The following PIK3R2 variants were observed in gnomAD, a reference collection of about 807,000 sequenced individuals.
PIK3R2 encodes phosphoinositide-3-kinase regulatory subunit 2.
A neutral mutation model predicts 78.5 loss-of-function variants in PIK3R2; 40 were observed. That is an observed-to-expected ratio of 0.51 (90% confidence interval 0.40 to 0.66). The LOEUF is 0.66. PIK3R2 is among the 30% of genes least tolerant of loss of function. The pLI is 0.00. For missense variants in PIK3R2, 880 were observed against 1,026.6 expected (o/e 0.86, Z 1.95); for synonymous variants, 473 against 457.7 (o/e 1.03, Z -0.43).
rs1462130919 is a variant in PIK3R2 at position 18,167,377 on chromosome 19, G to A, written c.1736+71G>A. 1 of 1,317,210 alleles carries A rather than the reference G, an allele frequency of 7.6e-7. No homozygotes were observed. The allele number at this position is 1,317,210 out of a possible 1,614,324, so 81.6% of individuals were successfully genotyped here. On this transcript the variant is annotated intron_variant, in intron 13 of 15. Coordinates refer to ENST00000222254, the MANE Select transcript of PIK3R2 (RefSeq NM_005027.4). This position sits in a 1 kb window ranked among gnomAD's most constrained non-coding sequence, Gnocchi z 4.5. ...GCGGCACATGGAGATCTCTCTAGGA[G>A]TCTCAGTCTCTCTCTCTCCACCAAG... is the stretch of plus-strand genomic sequence containing the variant.
chr19:18,166,107 C>T (rs761354901), intron 11 of PIK3R2, 53 bp from the exon 12 acceptor site: 25 of 1,611,234 alleles, frequency 1.6e-5, no homozygotes, highest in South Asian at 5.5e-5. Context: ...TTACCCCTCA[C>T]GAGGGCCTTT....
rs1016613137 is a variant in PIK3R2 at position 18,169,530 on chromosome 19, G to T, written c.*236G>T. 1.8e-5 allele frequency: 6 copies of T among 331,602 alleles called. No individual in the cohort carries two copies. The highest frequency in any genetic ancestry group is 3.3e-5 in the Non-Finnish European group (6 of 181,538). The allele number at this position is 331,602 out of a possible 1,614,324, so 20.5% of individuals were successfully genotyped here. On this transcript the variant is annotated 3_prime_UTR_variant, in exon 16 of 16. Transcript: ENST00000222254. ...GCCCCTGTCTCTCTCCATGTTGGGG[G>T]TCCTAACTCCCCCACCCCATATCTA...
At chr19:18,159,905 CTAATTTTTCTGATTT>C (rs113711946) in intron 2 of PIK3R2, among the ~76,000 whole-genome samples, 10,324 of 152,220 alleles carry the variant, frequency 0.068, 912 homozygotes, top group African/African-American at 0.21. Flanking sequence ...CCACGCCCAG[CTAATTTTTCTGATTT>C]TAGTAGAGAC....
Position 18,162,059 on chromosome 19 carries a change from C to A in PIK3R2, c.901+8C>A, listed in dbSNP as rs753425500. On this transcript the variant is annotated splice_region_variant and intron_variant, in intron 7 of 15. Coordinates refer to ENST00000222254, the MANE Select transcript of PIK3R2 (RefSeq NM_005027.4). ...AGGAGGTTGCGCCCCCAGGTGAGTC[C>A]CCTGTATTGCTGTCATTTCTTCCCG... is the stretch of plus-strand genomic sequence containing the variant. 1 of 1,611,336 alleles carries A rather than the reference C, an allele frequency of 6.2e-7. No homozygotes were observed. Among genetic ancestry groups the A allele is most frequent in the Non-Finnish European group, 8.5e-7 (1 of 1,177,712 alleles).
rs115949644 is a variant in PIK3R2, at chr19:18,163,474, T to C, written c.1416+86T>C. ...AGCAGGATGACCAACCCCAGAGGAC[T>C]TGAGGATGAATATCCAGTTGCAGGT... On this transcript the variant is annotated intron_variant, in intron 11 of 15. Coordinates refer to ENST00000222254, the MANE Select transcript of PIK3R2 (RefSeq NM_005027.4). 1.2e-3 allele frequency: 1,698 copies of C among 1,449,104 alleles called. 19 individuals are homozygous for C. In the African/African-American group the frequency reaches 0.02, roughly 17 times the overall value. 89.8% of individuals were successfully genotyped at this position (1,449,104 alleles called of 1,614,324 possible).
rs534405273 is a variant in PIK3R2 at position 18,156,151 on chromosome 19, G to A, written c.272G>A (p.Arg91Gln). The change falls in exon 2 of 16, where the codon CGG becomes CAG. Residue 91 changes from arginine to glutamine, a missense_variant. Physicochemically the swap from Arg to Gln is conservative, Grantham distance 43. Around this residue, in one of 3 missense-constraint regions of PIK3R2, gnomAD observed 456 missense variants for 486.6 expected, o/e 0.94. Coordinates refer to ENST00000222254, the MANE Select transcript of PIK3R2 (RefSeq NM_005027.4). This position sits in a 1 kb window ranked among gnomAD's most constrained non-coding sequence, Gnocchi z 4.2. ...CTGGCCCGGCCCGGCCCTCGCCCAC[G>A]GGGCCCCCGCCCACTGCCCGCCAGG... is the stretch of plus-strand genomic sequence containing the variant. ...VALARPGPRP[R>Q]GPRPLPARPR... 6.8e-6 allele frequency: 10 copies of A among 1,466,612 alleles called. No homozygotes were observed. The highest frequency in any genetic ancestry group is 5.5e-5 in the Admixed American group (2 of 36,622). 90.8% of individuals were successfully genotyped at this position (1,466,612 alleles called of 1,614,324 possible).
intron 11 of PIK3R2, among the ~76,000 whole-genome samples, chr19:18,165,948 T>G (rs1331429520): frequency 6.6e-6 from 1 of 151,654 alleles, no homozygotes; most frequent in East Asian, 1.9e-4. Context: ...TGTGGATACC[T>G]ATAGGAGGAT....
At position 18,168,636 on chromosome 19, in the gene PIK3R2, A is replaced by T. The variant is rs937474359; in HGVS notation, c.1808+90A>T. ...TTCGAAGAATGAGTAGGAGTTCACCAGGGAGGAAAAGTTGTCCAGGCAGCT... is the reference window on the plus strand; with the variant it reads ...TTCGAAGAATGAGTAGGAGTTCACCTGGGAGGAAAAGTTGTCCAGGCAGCT... On this transcript the variant is annotated intron_variant, in intron 14 of 15. Coordinates refer to ENST00000222254, the MANE Select transcript of PIK3R2 (RefSeq NM_005027.4). The surrounding 1 kb of genome is among the most constrained non-coding windows in gnomAD (Gnocchi z 4.1). 8.9e-6 allele frequency: 10 copies of T among 1,122,820 alleles called. No individual in the cohort carries two copies. In the African/African-American group the frequency reaches 1.5e-4, roughly 17 times the overall value. 69.6% of individuals were successfully genotyped at this position (1,122,820 alleles called of 1,614,324 possible).
chr19:18,161,891 G>T lies in PIK3R2; in HGVS notation c.816-75G>T. ...CGTATATACCCCCAGGCGTGCAAGC[G>T]CACGCACAATCCTGTGCACATGCGT... On this transcript the variant is annotated intron_variant, in intron 6 of 15. Transcript: ENST00000222254. This position sits in a 1 kb window ranked among gnomAD's most constrained non-coding sequence, Gnocchi z 5.3. The T allele has an allele frequency of 8.1e-7, 1 of 1,228,472 alleles. No individual in the cohort carries two copies. The highest frequency in any genetic ancestry group is 1.2e-6 in the Non-Finnish European group (1 of 832,776). The allele number at this position is 1,228,472 out of a possible 1,614,324, so 76.1% of individuals were successfully genotyped here. A position where few individuals can be genotyped will look rare whatever the true frequency, so the allele number is the denominator to read the frequency against.
In PIK3R2 at chr19:18,169,383, C is replaced by T; in HGVS notation, c.*89C>T. On this transcript the variant is annotated 3_prime_UTR_variant, in exon 16 of 16. Coordinates refer to ENST00000222254, the MANE Select transcript of PIK3R2 (RefSeq NM_005027.4). ...CGGGAGCCACGGACCAGACCAGCCACATCCAGGGGTCCTCATTTCTCCGGC... is the reference window on the plus strand; with the variant it reads ...CGGGAGCCACGGACCAGACCAGCCATATCCAGGGGTCCTCATTTCTCCGGC... The T allele has an allele frequency of 1.6e-6, 1 of 616,890 alleles. No homozygotes were observed. Among genetic ancestry groups the T allele is most frequent in the Non-Finnish European group, 2.3e-6 (1 of 429,018 alleles). The allele number at this position is 616,890 out of a possible 1,614,324, so 38.2% of individuals were successfully genotyped here.
Position 18,162,004 on chromosome 19 carries a change from A to C in PIK3R2, c.854A>C (p.Glu285Ala). ...PSPDFPALLVEKLLQEHLEEQ... is the reference protein window; with the variant it reads ...PSPDFPALLVAKLLQEHLEEQ... The stretch of plus-strand genomic sequence containing the variant: ...CCTGACTTCCCGGCGCTGCTGGTGG[A>C]GAAGCTGCTTCAGGAACACTTGGAA... The change falls in exon 7 of 16, where the codon GAG (glutamate) becomes GCG (alanine). Residue 285 changes from glutamate to alanine, a missense_variant. This residue lies in a region of PIK3R2 where 456 missense variants were observed against 486.6 expected (regional missense o/e 0.94). Coordinates refer to ENST00000222254, the MANE Select transcript of PIK3R2 (RefSeq NM_005027.4). The C allele has an allele frequency of 6.2e-7, 1 of 1,613,968 alleles. No homozygotes were observed.
chr19:18,166,691 CAGAG>C (rs1002911930), intron 12 of PIK3R2, among the ~76,000 whole-genome samples: 1 of 120,762 alleles, frequency 8.3e-6, no homozygotes, highest in Non-Finnish European at 1.7e-5. Context: ...GCTTGGGTGA[CAGAG>C]AAAGACTGTC....
rs2043766763 is a variant in PIK3R2 at position 18,162,955 on chromosome 19, C to T, written c.1110-12C>T. 1 of 1,611,498 alleles carries T rather than the reference C, an allele frequency of 6.2e-7. No individual in the cohort carries two copies. The highest frequency in any genetic ancestry group is 8.5e-7 in the Non-Finnish European group (1 of 1,178,208). On this transcript the variant is annotated splice_polypyrimidine_tract_variant and intron_variant, in intron 9 of 15. Transcript: ENST00000222254. ...GGTCCCACTGGGTGCCGACACCCCT[C>T]TCCTCCCCCAGGAAAGGCGGGAACA...
At chr19:18,166,406 G>A in intron 12 of PIK3R2, 104 bp downstream of exon 12, 2 of 932,682 alleles carry the variant, frequency 2.1e-6, no homozygotes, top group Non-Finnish European at 3.3e-6. Flanking sequence ...GAGGCAAAGA[G>A]TAGTCTGTTG....
At chr19:18,164,278 C>A (rs1264140329) in intron 11 of PIK3R2, among the ~76,000 whole-genome samples, 2 of 152,266 alleles carry the variant, frequency 1.3e-5, no homozygotes, top group African/African-American at 4.8e-5. Flanking sequence ...GGCTGGCCCT[C>A]AGTTTTCCCA....
Position 18,166,298 on chromosome 19 carries a change from C to G in PIK3R2, c.1555C>G (p.Gln519Glu). ...FRREGNEKEM[Q>E]RILLNSERLK... ...GCGTGAGGGCAACGAGAAAGAGATG[C>G]AAAGGTGAGTCTGGCGCCTCTGCCC... Residue 519 changes from glutamine (Q) to glutamate (E), a missense_variant, in exon 12 of 16, where the codon CAA (glutamine) becomes GAA (glutamate). Transcript: ENST00000222254. 6.2e-7 allele frequency: 1 copy of G among 1,613,816 alleles called. No individual in the cohort carries two copies. The highest frequency in any genetic ancestry group is 8.5e-7 in the Non-Finnish European group (1 of 1,179,786).
intron 11 of PIK3R2, among the ~76,000 whole-genome samples, chr19:18,165,559 C>T (rs1192857719): frequency 6.6e-6 from 1 of 152,022 alleles, no homozygotes; most frequent in Non-Finnish European, 1.5e-5. Flanking sequence ...GAGGTGCTGT[C>T]TCACCATGTT....
rs369460654 is a variant in PIK3R2, at chr19:18,159,936, C to G, written c.323-535C>G. Among the ~76,000 whole-genome samples the G allele has an allele frequency of 2.6e-5, 4 of 152,114 alleles. No individual in the cohort carries two copies. In the East Asian group the frequency reaches 7.7e-4, roughly 29 times the overall value. ...TTTCTGATTTTAGTAGAGACAGGTTCGCCATGTTGGTCAGGCTGGTTCGAA... is the reference window on the plus strand; with the variant it reads ...TTTCTGATTTTAGTAGAGACAGGTTGGCCATGTTGGTCAGGCTGGTTCGAA... On this transcript the variant is annotated intron_variant, in intron 2 of 15. Transcript: ENST00000222254.
At position 18,167,283 on chromosome 19, in the gene PIK3R2, C is replaced by T. The variant is rs748993729; in HGVS notation, c.1713C>T (p.Arg571=). Reference sequence around the variant, plus strand: ...TCAAGCCGGACCTCATGCAGCTGCGCAAGATCCGAGACCAGTACCTCGTGT... The same window carrying T: ...TCAAGCCGGACCTCATGCAGCTGCGTAAGATCCGAGACCAGTACCTCGTGT... ...NSLKPDLMQL[R]KIRDQYLVWL... Residue 571 remains arginine (R), a synonymous_variant, in exon 13 of 16, where the codon CGC becomes CGT. Transcript: ENST00000222254. This position sits in a 1 kb window ranked among gnomAD's most constrained non-coding sequence, Gnocchi z 4.5. 6 of 1,604,822 alleles carry T rather than the reference C, an allele frequency of 3.7e-6. No homozygotes were observed. In the Admixed American group the frequency reaches 5.1e-5, roughly 14 times the overall value.
Sources: gnomAD v4.1 joint callset for allele counts (sites outside exome capture counted in the v4.1 genomes callset) on GRCh38, gnomAD v4.1.1 for gene constraint, gnomAD v4.1.1 regional missense constraint, Gnocchi (gnomAD v3.1) non-coding constraint, MANE v1.5 for transcripts, NCBI Gene and HGNC (gene_info 2026-07-23, HGNC 2026-07-21) for gene names.